The following NEURL1 variants were observed in gnomAD, a reference collection of about 807,000 sequenced individuals.
NEURL1 encodes neuralized E3 ubiquitin protein ligase 1.
A neutral mutation model predicts 41.2 loss-of-function variants in NEURL1; 26 were observed. That is an observed-to-expected ratio of 0.63 (90% CI 0.46 to 0.87). NEURL1 has a LOEUF of 0.87. NEURL1 is among the 40% of genes least tolerant of loss of function. The pLI, the probability that NEURL1 is intolerant of heterozygous loss-of-function variation, is 0.00. For synonymous variants in NEURL1, 400 were observed against 402.3 expected (o/e 0.99, Z 0.07); for missense variants, 761 against 871.1 (o/e 0.87, Z 1.59).
chr10:103,585,257 C>T (rs764520177), intron 4 of NEURL1, 32 bp downstream of exon 4: 1 of 1,458,436 alleles, frequency 6.9e-7, no homozygotes, highest in Admixed American at 2.3e-5. Flanking sequence ...TGGGCGTATG[C>T]CTTTCCTGGA....
At chr10:103,548,771 G>A (rs1034484256) in intron 1 of NEURL1, among the ~76,000 whole-genome samples, 1 of 152,180 alleles carries the variant, frequency 6.6e-6, no homozygotes, top group African/African-American at 2.4e-5. Context: ...GGCAGCGGCC[G>A]TCACAGGTGT....
At chr10:103,524,637 G>A (rs1050293906) in intron 1 of NEURL1, among the ~76,000 whole-genome samples, 5 of 152,006 alleles carry the variant, frequency 3.3e-5, no homozygotes, top group African/African-American at 1.2e-4. Context: ...TGAGAGATAC[G>A]GCTCTAGTTT....
intron 3 of NEURL1, chr10:103,577,760 C>T (rs937231809): frequency 6.6e-5 from 10 of 152,246 alleles, no homozygotes; most frequent in Non-Finnish European, 2.9e-5. Context: ...GGCAGTGCAG[C>T]GCCCAGGATG....
rs374973102 is a variant in NEURL1 at position 103,558,167 on chromosome 10, C to T, written c.86-12705C>T. On this transcript the variant is annotated intron_variant, in intron 1 of 5. Coordinates refer to ENST00000369780, the MANE Select transcript of NEURL1 (RefSeq NM_004210.5). The surrounding 1 kb of genome is among the most constrained non-coding windows in gnomAD (Gnocchi z 4.2). ...TGCTGGGTTTACAGGTGTGAGCCAC[C>T]GCGCTTGGCTGATTGTATTTTCTTT... 7.1e-6 allele frequency: 7 copies of T among 985,314 alleles called. No individual in the cohort carries two copies. The highest frequency in any genetic ancestry group is 4.7e-5 in the South Asian group (1 of 21,280). The allele number at this position is 985,314 out of a possible 1,614,324, so 61.0% of individuals were successfully genotyped here. A position where few individuals can be genotyped will look rare whatever the true frequency, so the allele number is the denominator to read the frequency against.
chr10:103,571,832 TGCCCCTCCG>T lies in NEURL1; in HGVS notation c.649+17_649+25del, dbSNP rs2035557174. ...GGCGTCCAGCTGCTTGGTGAGTGCC[TGCCCCTCCG>T]GCCCCTTGGTGCAGGGGACACCCCT... is the stretch of plus-strand genomic sequence containing the variant. On this transcript the variant is annotated intron_variant, in intron 3 of 5. Coordinates refer to ENST00000369780, the MANE Select transcript of NEURL1 (RefSeq NM_004210.5). The T allele has an allele frequency of 6.3e-7, 1 of 1,586,536 alleles. No individual in the cohort carries two copies.
At chr10:103,539,988 C>G (rs6584556) in intron 1 of NEURL1, among the ~76,000 whole-genome samples, 71,433 of 152,038 alleles carry the variant, frequency 0.47, 18,545 homozygotes, top group African/African-American at 0.7. Context: ...TGGAAGATGG[C>G]GTAGAAAGAT....
chr10:103,554,178 C>T lies in NEURL1; in HGVS notation c.86-16694C>T, dbSNP rs534453162. On this transcript the variant is annotated intron_variant, in intron 1 of 5. Transcript: ENST00000369780. The stretch of plus-strand genomic sequence containing the variant: ...CCCAGGGCTGGAGGGGCCTGCCATC[C>T]CAGCCTCCCTCTTCCCCCTCTGTTC... 4.7e-4 allele frequency among the ~76,000 whole-genome samples: 71 copies of T among 152,358 alleles called. 1 individual carries two copies. In the South Asian group the frequency reaches 8.3e-3, roughly 18 times the overall value.
At chr10:103,539,834 C>G (rs980076473) in intron 1 of NEURL1, among the ~76,000 whole-genome samples, 3 of 152,206 alleles carry the variant, frequency 2.0e-5, no homozygotes, top group Non-Finnish European at 4.4e-5. Flanking sequence ...TTGAATAAGG[C>G]TCCTTTAAAG....
chr10:103,579,225 GC>G (rs375226625), intron 3 of NEURL1, among the ~76,000 whole-genome samples: 26 of 152,322 alleles, frequency 1.7e-4, no homozygotes, highest in African/African-American at 6.0e-4. Context: ...CCAGGTGTTT[GC>G]TAACAGTTTT....
chr10:103,547,606 G>A (rs1410887808), intron 1 of NEURL1, among the ~76,000 whole-genome samples: 1 of 152,220 alleles, frequency 6.6e-6, no homozygotes, highest in Non-Finnish European at 1.5e-5. Flanking sequence ...CCCAGCTTTG[G>A]GGTGGCTTCA....
At chr10:103,585,358 TG>T (rs1164428662) in intron 4 of NEURL1, 133 bp downstream of exon 4, 1 of 842,894 alleles carries the variant, frequency 1.2e-6, no homozygotes, top group African/African-American at 1.8e-5. Context: ...ACACCTAAGG[TG>T]AGTTCTGGGC....
chr10:103,512,468 A>C (rs1215581804), intron 1 of NEURL1, among the ~76,000 whole-genome samples: 1 of 152,188 alleles, frequency 6.6e-6, no homozygotes, highest in African/African-American at 2.4e-5. Flanking sequence ...TGGGCAGGGC[A>C]CTTCTCTGTC....
chr10:103,551,791 C>T (rs2035036993), intron 1 of NEURL1, among the ~76,000 whole-genome samples: 2 of 152,188 alleles, frequency 1.3e-5, no homozygotes, highest in South Asian at 4.1e-4. Flanking sequence ...TTGTGGGAAA[C>T]AGGCTCATAC....
chr10:103,553,861 G>T (rs2035087081), intron 1 of NEURL1, among the ~76,000 whole-genome samples: 1 of 152,208 alleles, frequency 6.6e-6, no homozygotes, highest in East Asian at 1.9e-4. Context: ...ACAGGGGCTG[G>T]TGTCCAGGCC....
chr10:103,534,794 G>A lies in NEURL1; in HGVS notation c.86-36078G>A, dbSNP rs534249001. Reference sequence around the variant, plus strand: ...GTCCTAGGCTGAGGGTCTTGCAAGCGTATTATGCCACCTGGGTCATGGGGT... The same window carrying A: ...GTCCTAGGCTGAGGGTCTTGCAAGCATATTATGCCACCTGGGTCATGGGGT... On this transcript the variant is annotated intron_variant, in intron 1 of 5. Transcript: ENST00000369780. Among the ~76,000 whole-genome samples, 19 of 152,236 alleles carry A rather than the reference G, an allele frequency of 1.2e-4. No homozygotes were observed. The South Asian group carries it at 2.7e-3, about 22-fold the overall frequency.
chr10:103,546,063 T>A (rs2034918886), intron 1 of NEURL1, among the ~76,000 whole-genome samples: 1 of 152,118 alleles, frequency 6.6e-6, no homozygotes, highest in South Asian at 2.1e-4. Context: ...GGTGCAGGAG[T>A]GTAATCATAG....
At chr10:103,565,609 G>A (rs746824469) in intron 1 of NEURL1, among the ~76,000 whole-genome samples, 3 of 152,174 alleles carry the variant, frequency 2.0e-5, no homozygotes, top group Admixed American at 6.6e-5. Context: ...TCTTCTCTCC[G>A]TCTGAATGAA....
At position 103,556,488 on chromosome 10, in the gene NEURL1, G is replaced by A. The variant is rs2035157928; in HGVS notation, c.86-14384G>A. The stretch of plus-strand genomic sequence containing the variant: ...AGTGGGCACTGAGGAGCCTGGGAGA[G>A]GCTCAGGAAGGAAGGAGGGTGGTGG... On this transcript the variant is annotated intron_variant, in intron 1 of 5. Transcript: ENST00000369780. The surrounding 1 kb of genome is among the most constrained non-coding windows in gnomAD (Gnocchi z 4.4). Among the ~76,000 whole-genome samples the A allele has an allele frequency of 6.6e-6, 1 of 152,140 alleles. No homozygotes were observed. Among genetic ancestry groups the A allele is most frequent in the Non-Finnish European group, 1.5e-5 (1 of 68,014 alleles).
At chr10:103,553,441 G>A (rs2035077523) in intron 1 of NEURL1, among the ~76,000 whole-genome samples, 1 of 152,174 alleles carries the variant, frequency 6.6e-6, no homozygotes, top group Admixed American at 6.5e-5. Context: ...CTATGAGCCG[G>A]TATGTGCCTG....
Sources: gnomAD v4.1 joint callset for allele counts (sites outside exome capture counted in the v4.1 genomes callset) on GRCh38, gnomAD v4.1.1 for gene constraint, Gnocchi (gnomAD v3.1) non-coding constraint, MANE v1.5 for transcripts, NCBI Gene and HGNC (gene_info 2026-07-23, HGNC 2026-07-21) for gene names.